The following AFP variants were observed in gnomAD, a reference collection of about 807,000 sequenced individuals.
AFP encodes the protein alpha fetoprotein.
Under a neutral mutation model 78.9 loss-of-function variants are expected in AFP, and 64 were observed. The observed-to-expected ratio is 0.81, with a 90% CI of 0.66 to 1.00. The LOEUF (loss-of-function observed/expected upper bound fraction) is 1.00. AFP is among the 50% of genes least tolerant of loss of function. The pLI is 0.00. For missense variants in AFP, 689 were observed against 703.8 expected (o/e 0.98, Z 0.24); for synonymous variants, 254 against 243.8 (o/e 1.04, Z -0.39).
At chr4:73,451,910 C>A (rs1396447574) in intron 11 of AFP, among the ~76,000 whole-genome samples, 3 of 152,082 alleles carry the variant, frequency 2.0e-5, no homozygotes, top group African/African-American at 7.2e-5. Flanking sequence ...TCTTAAAAAC[C>A]CACAAAATTG....
intron 3 of AFP, among the ~76,000 whole-genome samples, chr4:73,439,760 T>G (rs1719608357): frequency 6.6e-6 from 1 of 152,172 alleles, no homozygotes; most frequent in Non-Finnish European, 1.5e-5. Flanking sequence ...TTTTAAAACA[T>G]TTTAGCTAAA....
chr4:73,437,347 C>T (rs1719537651), intron 2 of AFP, 136 bp downstream of exon 2: 1 of 690,884 alleles, frequency 1.4e-6, no homozygotes, highest in Non-Finnish European at 2.6e-6. Context: ...GTTACTCATA[C>T]TGAATATCAA....
At chr4:73,438,427 G>T (rs1269547042) in intron 3 of AFP, 121 bp downstream of exon 3, 1 of 1,154,948 alleles carries the variant, frequency 8.7e-7, no homozygotes, top group Non-Finnish European at 1.2e-6. Context: ...TTGTATGAAA[G>T]AGGGATTAGA....
intron 9 of AFP, 136 bp downstream of exon 9, chr4:73,449,603 G>A: frequency 9.5e-7 from 1 of 1,055,888 alleles, no homozygotes; most frequent in South Asian, 1.4e-5. Context: ...ATATTAAGCT[G>A]TTATTAACTA....
chr4:73,440,211 C>A (rs1441472391), intron 3 of AFP, among the ~76,000 whole-genome samples: 1 of 152,082 alleles, frequency 6.6e-6, no homozygotes, highest in East Asian at 1.9e-4. Context: ...CTCTCCCTCC[C>A]TGCACTCCAC....
chr4:73,450,107 A>T lies in AFP; in HGVS notation c.1263A>T (p.Lys421Asn). The change falls in exon 10 of 15, where the codon AAA becomes AAT. Residue 421 changes from lysine to asparagine, a missense_variant. By Grantham distance (94) the Lys-to-Asn change is moderately conservative. Transcript: ENST00000395792. ...AGCGAAGCTGCGGCCTCTTCCAGAA[A>T]CTAGGAGAATATTACTTACAAAATG... ...LAKRSCGLFQ[K>N]LGEYYLQNAF... The T allele has an allele frequency of 6.2e-7, 1 of 1,613,250 alleles. No homozygotes were observed. Among genetic ancestry groups the T allele is most frequent in the East Asian group, 2.2e-5 (1 of 44,854 alleles).
At chr4:73,443,166 A>G (rs1177153721) in intron 5 of AFP, among the ~76,000 whole-genome samples, 181 bp from the exon 6 acceptor site, 3 of 152,162 alleles carry the variant, frequency 2.0e-5, no homozygotes, top group African/African-American at 7.2e-5. Flanking sequence ...ATATAAACTA[A>G]CCCAAAAGAA....
At position 73,452,521 on chromosome 4, in the gene AFP, G is replaced by A. The variant is rs1276941707; in HGVS notation, c.1549G>A (p.Val517Met). The change falls in exon 12 of 15, where the codon GTG becomes ATG. Residue 517 changes from valine (V) to methionine (M), a missense_variant. Transcript: ENST00000395792. ...GAGGCCATGCTTCAGCAGCTTGGTGGTGGATGAAACATATGTCCCTCCTGC... is the reference window on the plus strand; with the variant it reads ...GAGGCCATGCTTCAGCAGCTTGGTGATGGATGAAACATATGTCCCTCCTGC... ...NRRPCFSSLV[V>M]DETYVPPAFS... 18 of 1,613,976 alleles carry A rather than the reference G, an allele frequency of 1.1e-5. No individual in the cohort carries two copies. The East Asian group carries it at 3.1e-4, about 28-fold the overall frequency.
chr4:73,450,052 A>T lies in AFP; in HGVS notation c.1208A>T (p.Lys403Ile), dbSNP rs748660949. Residue 403 changes from lysine to isoleucine, a missense_variant, in exon 10 of 15, where the codon AAA becomes ATA. Lys to Ile is a moderately radical substitution (Grantham distance 102). Transcript: ENST00000395792. ...CATTTTCAGGAAGAAGAATTACAGA[A>T]ATACATCCAGGAGAGCCAAGCATTG... ...CQDKGEEELQ[K>I]YIQESQALAK... 1.2e-6 allele frequency: 2 copies of T among 1,613,186 alleles called. No homozygotes were observed. The highest frequency in any genetic ancestry group is 2.2e-5 in the South Asian group (2 of 90,982).
chr4:73,454,024 G>A (rs769027793), intron 13 of AFP, 127 bp downstream of exon 13: 4 of 1,108,758 alleles, frequency 3.6e-6, no homozygotes, highest in Non-Finnish European at 5.2e-6. Context: ...TCATTGAGAA[G>A]CAGATTGAGG....
At chr4:73,453,041 C>T (rs576738018) in intron 12 of AFP, among the ~76,000 whole-genome samples, 1 of 152,134 alleles carries the variant, frequency 6.6e-6, no homozygotes, top group Non-Finnish European at 1.5e-5. Context: ...TTTAATTCAA[C>T]CATGCAGTTT....
At chr4:73,447,326 C>T (rs1577956268) in intron 7 of AFP, 136 bp from the exon 8 acceptor site, 3 of 555,058 alleles carry the variant, frequency 5.4e-6, no homozygotes, top group East Asian at 3.1e-5. Context: ...CCCCTTCCTT[C>T]TTTCCTGGCC....
At chr4:73,439,252 A>G (rs1719596015) in intron 3 of AFP, among the ~76,000 whole-genome samples, 1 of 152,160 alleles carries the variant, frequency 6.6e-6, no homozygotes, top group East Asian at 1.9e-4. Flanking sequence ...ATAAAACAAC[A>G]TGCCCAGAGA....
At chr4:73,445,359 TA>T (rs34058340) in intron 7 of AFP, among the ~76,000 whole-genome samples, 3 of 152,130 alleles carry the variant, frequency 2.0e-5, no homozygotes, top group African/African-American at 7.2e-5. Context: ...TTCTTACTTC[TA>T]AAAAAACCGT....
rs1719633074 is a variant in AFP, at chr4:73,440,690, G to C, written c.359G>C (p.Gly120Ala). The change falls in exon 4 of 15, where the codon GGA becomes GCA. Residue 120 changes from glycine to alanine, a missense_variant. Coordinates refer to ENST00000395792, the MANE Select transcript of AFP (RefSeq NM_001134.3). ...GACTGCTGCAGCCAAAGTGAAGAGG[G>C]AAGACATAACTGTTTTCTTGCACAC... The part of the protein sequence containing the change: ...HSDCCSQSEE[G>A]RHNCFLAHKK... 4 of 1,614,152 alleles carry C rather than the reference G, an allele frequency of 2.5e-6. No individual in the cohort carries two copies. Among genetic ancestry groups the C allele is most frequent in the Non-Finnish European group, 2.5e-6 (3 of 1,180,024 alleles).
At chr4:73,438,713 T>A (rs1311317694) in intron 3 of AFP, among the ~76,000 whole-genome samples, 2 of 152,130 alleles carry the variant, frequency 1.3e-5, no homozygotes, top group African/African-American at 4.8e-5. Flanking sequence ...GGGAGCATAA[T>A]GTGTATATTG....
In AFP at chr4:73,440,796, G is replaced by A. The variant is rs1719638147; in HGVS notation, c.465G>A (p.Arg155=). 2 of 1,613,740 alleles carry A rather than the reference G, an allele frequency of 1.2e-6. No homozygotes were observed. The highest frequency in any genetic ancestry group is 1.7e-6 in the Non-Finnish European group (2 of 1,179,896). ...VTSCEAYEED[R]ETFMNKFIYE... ...GCTGTGAAGCATATGAAGAAGACAG[G>A]GAGACATTCATGAACAAGTAAGGAT... Residue 155 remains arginine, a synonymous_variant, in exon 4 of 15, where the codon AGG becomes AGA. Transcript: ENST00000395792.
At chr4:73,452,363 C>T in intron 11 of AFP, 38 bp from the exon 12 acceptor site, 1 of 1,568,844 alleles carries the variant, frequency 6.4e-7, no homozygotes, top group Non-Finnish European at 8.8e-7. Context: ...TGACTAATGC[C>T]CAATCTCCTT....
intron 1 of AFP, 63 bp downstream of exon 1, chr4:73,436,410 T>C: frequency 1.1e-6 from 1 of 947,844 alleles, no homozygotes; most frequent in Non-Finnish European, 1.6e-6. Flanking sequence ...TTATAAAATT[T>C]GCATTAATTT....
Sources: gnomAD v4.1 joint callset for allele counts (sites outside exome capture counted in the v4.1 genomes callset) on GRCh38, gnomAD v4.1.1 for gene constraint, MANE v1.5 for transcripts, NCBI Gene and HGNC (gene_info 2026-07-23, HGNC 2026-07-21) for gene names.